DCHS2: variants seen among roughly 807,000 people sequenced by gnomAD.
The protein encoded by DCHS2 is protocadherin-23.
In DCHS2, 142 loss-of-function variants were observed where a neutral mutation model predicts 182.4. The ratio of observed to expected loss-of-function variants is 0.78; its 90% confidence interval spans 0.68 to 0.89. The LOEUF is 0.89. Ranked by LOEUF, DCHS2 falls within the 40% of genes least tolerant of loss-of-function variation. DCHS2 has a pLI of 0.00. For missense variants in DCHS2, 4,319 were observed against 4,198.6 expected, an observed-to-expected ratio of 1.03 and a Z score of -0.79; for synonymous variants, 1,740 against 1,663.3, an observed-to-expected ratio of 1.05 and a Z score of -1.12.
intron 1 of DCHS2, among the ~76,000 whole-genome samples, chr4:154,429,927 T>G (rs536321913): frequency 1.3e-5 from 2 of 152,218 alleles, no homozygotes; most frequent in South Asian, 4.2e-4. Context: ...CTGCAAAATA[T>G]GGGTCATAAC....
intron 1 of DCHS2, among the ~76,000 whole-genome samples, chr4:154,451,167 TG>T (rs1468974597): frequency 1.3e-5 from 2 of 152,164 alleles, no homozygotes; most frequent in African/African-American, 4.8e-5. Flanking sequence ...GCAGATACAA[TG>T]GCTTGAAGTG....
intron 1 of DCHS2, among the ~76,000 whole-genome samples, chr4:154,395,200 T>C (rs547046540): frequency 1.3e-5 from 2 of 152,322 alleles, no homozygotes; most frequent in African/African-American, 4.8e-5. Context: ...AATAACATCA[T>C]TAAGTATGAG....
chr4:154,278,562 G>A (rs2404899), intron 13 of DCHS2, among the ~76,000 whole-genome samples: 3,092 of 151,732 alleles, frequency 0.02, 102 homozygotes, highest in African/African-American at 0.072. Context: ...AGAAATCTAC[G>A]TGAGAACACA....
chr4:154,420,234 G>GAGAC (rs71600327), intron 1 of DCHS2, among the ~76,000 whole-genome samples: 21,070 of 136,948 alleles, frequency 0.15, 1,741 homozygotes, highest in Middle Eastern at 0.22. Context: ...GAACCGATGG[G>GAGAC]AGACAGACAG....
intron 1 of DCHS2, among the ~76,000 whole-genome samples, chr4:154,463,993 A>G (rs2111003933): frequency 6.6e-6 from 1 of 152,338 alleles, no homozygotes; most frequent in South Asian, 2.1e-4. Flanking sequence ...CTATTACCCA[A>G]GTAACATCAA....
In DCHS2 at chr4:154,471,691, G is replaced by A. The variant is rs73854796; in HGVS notation, c.2052+17613C>T. Among the ~76,000 whole-genome samples the A allele has an allele frequency of 6.4e-3, 974 of 152,146 alleles. 21 individuals carry two copies. The South Asian group carries it at 0.069, about 11-fold the overall frequency. The stretch of plus-strand genomic sequence containing the variant: ...AAAACTAAAGTCGCATTATGGTCAC[G>A]TGCAGAGCATTTGTTTTGTGTCTTT... On this transcript the variant is annotated intron_variant, in intron 1 of 19. Transcript: ENST00000357232.
intron 1 of DCHS2, among the ~76,000 whole-genome samples, chr4:154,439,349 C>T (rs532482262): frequency 6.6e-6 from 1 of 152,264 alleles, no homozygotes; most frequent in East Asian, 1.9e-4. Context: ...ACCACCTGTG[C>T]CAACATTCTG....
intron 14 of DCHS2, among the ~76,000 whole-genome samples, chr4:154,261,357 C>T (rs532716712): frequency 2.6e-5 from 4 of 152,272 alleles, no homozygotes; most frequent in South Asian, 4.1e-4. Flanking sequence ...ATGTGTTACT[C>T]GTGTTTGTCT....
chr4:154,336,311 T>C lies in DCHS2; in HGVS notation c.2477-1207A>G, dbSNP rs62331878. On this transcript the variant is annotated intron_variant, in intron 3 of 19. Transcript: ENST00000357232. ...TAATATTATTAATACTACCACTTAG[T>C]GTACTAGTTTAAAAACCTGAAAACG... is the stretch of plus-strand genomic sequence containing the variant. Among the ~76,000 whole-genome samples the C allele has an allele frequency of 7.3e-3, 1,112 of 152,314 alleles. 4 individuals are homozygous for C. The highest frequency in any genetic ancestry group is 0.011 in the Non-Finnish European group (749 of 68,028).
chr4:154,359,807 G>A (rs1349810160), intron 3 of DCHS2, among the ~76,000 whole-genome samples: 1 of 151,842 alleles, frequency 6.6e-6, no homozygotes, highest in Non-Finnish European at 1.5e-5. Flanking sequence ...TACCTGTTTT[G>A]GAAAAGTCCA....
chr4:154,293,985 G>A (rs1461127257), intron 13 of DCHS2, among the ~76,000 whole-genome samples: 1 of 151,940 alleles, frequency 6.6e-6, no homozygotes, highest in Non-Finnish European at 1.5e-5. Flanking sequence ...CCTCATTTGT[G>A]CATATATATG....
rs954728415 is a variant in DCHS2 at position 154,403,615 on chromosome 4, T to C, written c.2053-26171A>G. Among the ~76,000 whole-genome samples the C allele has an allele frequency of 2.6e-5, 4 of 152,314 alleles. No homozygotes were observed. In the East Asian group the frequency reaches 7.7e-4, roughly 29 times the overall value. On this transcript the variant is annotated intron_variant, in intron 1 of 19. Coordinates refer to ENST00000357232, the MANE Select transcript of DCHS2 (RefSeq NM_001358235.2). ...TGGCTGTAATTTTGTTTACCTGTAA[T>C]GCTTTGATCATGTTGTGATATTAGG...
In DCHS2 at chr4:154,491,101, G is replaced by C. The variant is rs1293103874; in HGVS notation, c.255C>G (p.Asp85Glu). Residue 85 changes from aspartate (D) to glutamate (E), a missense_variant, in exon 1 of 20, where the codon GAC becomes GAG. Coordinates refer to ENST00000357232, the MANE Select transcript of DCHS2 (RefSeq NM_001358235.2). ...EGLPPDTLVGDIRAGLPAAQQ... is the reference protein window; with the variant it reads ...EGLPPDTLVGEIRAGLPAAQQ... ...GCGCGGCCGGCAGCCCGGCGCGGAT[G>C]TCACCTACCAGCGTGTCCGGGGGAA... is the stretch of plus-strand genomic sequence containing the variant. 1.9e-6 allele frequency: 3 copies of C among 1,551,384 alleles called. No homozygotes were observed. Among genetic ancestry groups the C allele is most frequent in the Non-Finnish European group, 2.6e-6 (3 of 1,146,954 alleles).
In DCHS2 at chr4:154,489,536, G is replaced by A. The variant is rs1355363251; in HGVS notation, c.1820C>T (p.Ala607Val). 1.9e-6 allele frequency: 3 copies of A among 1,551,660 alleles called. No individual in the cohort carries two copies. Among genetic ancestry groups the A allele is most frequent in the South Asian group, 1.2e-5 (1 of 84,050 alleles). ...GATCGCACCGCTTTCGGAATCAATG[G>A]CAAAAGATGGTCCACACTCTGCGGT... ...VHTAECGPSF[A>V]IDSESGAIST... Residue 607 changes from alanine to valine, a missense_variant, in exon 1 of 20, where the codon GCC becomes GTC. By Grantham distance (64) the Ala-to-Val change is moderately conservative (BLOSUM62 0). Transcript: ENST00000357232.
chr4:154,350,855 C>G (rs1729576437), intron 3 of DCHS2, among the ~76,000 whole-genome samples: 1 of 152,070 alleles, frequency 6.6e-6, no homozygotes, highest in Non-Finnish European at 1.5e-5. Flanking sequence ...TTTTCACCAA[C>G]AGCAATAGGT....
intron 1 of DCHS2, among the ~76,000 whole-genome samples, chr4:154,410,875 G>A (rs1057336708): frequency 1.3e-5 from 2 of 152,168 alleles, no homozygotes; most frequent in African/African-American, 4.8e-5. Flanking sequence ...AAAGCAGCAA[G>A]AGAAGTGTCA....
intron 1 of DCHS2, among the ~76,000 whole-genome samples, chr4:154,435,219 G>T (rs1431369887): frequency 6.6e-6 from 1 of 152,162 alleles, no homozygotes; most frequent in Admixed American, 6.5e-5. Flanking sequence ...AAACTTATTA[G>T]AAGCAAAAAC....
intron 13 of DCHS2, among the ~76,000 whole-genome samples, chr4:154,278,593 T>A (rs1359764329): frequency 6.6e-6 from 1 of 150,912 alleles, no homozygotes; most frequent in Non-Finnish European, 1.5e-5. Flanking sequence ...ACTGTATATG[T>A]CAAAGATAAA....
At chr4:154,332,452 A>C (rs989332204) in intron 5 of DCHS2, 26 bp downstream of exon 5, 2 of 1,564,482 alleles carry the variant, frequency 1.3e-6, no homozygotes, top group Non-Finnish European at 1.7e-6. Context: ...ATTTTAAAGG[A>C]ATAGGTGGAA....
Sources: gnomAD v4.1 joint callset for allele counts (sites outside exome capture counted in the v4.1 genomes callset) on GRCh38, gnomAD v4.1.1 for gene constraint, MANE v1.5 for transcripts, NCBI Gene and HGNC (gene_info 2026-07-23, HGNC 2026-07-21) for gene names.